Variants in EIPR1 observed in about 807,000 individuals in gnomAD.
EIPR1 encodes the protein EARP and GARP complex-interacting protein 1.
In EIPR1, 25 loss-of-function variants were observed where a neutral mutation model predicts 48.1. The ratio of observed to expected loss-of-function variants is 0.52; its 90% CI spans 0.38 to 0.73. The LOEUF (loss-of-function observed/expected upper bound fraction) is 0.73. Ranked by LOEUF, EIPR1 falls within the 30% of genes least tolerant of loss-of-function variation. The probability of loss-of-function intolerance (pLI) is 0.00; values close to 1 mark genes in which losing one functional copy is unlikely to be tolerated. For missense variants in EIPR1, 415 were observed against 506.2 expected (o/e 0.82, Z 1.73); for synonymous variants, 204 against 201.9 (o/e 1.01, Z -0.09).
intron 7 of EIPR1, among the ~76,000 whole-genome samples, chr2:3,192,787 G>C (rs1664654889): frequency 6.6e-6 from 1 of 151,496 alleles, no homozygotes; most frequent in South Asian, 2.1e-4. Flanking sequence ...CCAAGAGACA[G>C]ACAGGGAAGA....
intron 5 of EIPR1, among the ~76,000 whole-genome samples, chr2:3,211,787 G>A (rs1665465556): frequency 1.3e-5 from 2 of 152,152 alleles, no homozygotes; most frequent in South Asian, 2.1e-4. Context: ...TTCTCGCTCC[G>A]CCACTGTCGG....
At chr2:3,319,755 C>CACCCCTGAG (rs1669446021) in intron 3 of EIPR1, 1 of 146,366 alleles carries the variant, frequency 6.8e-6, no homozygotes, top group Non-Finnish European at 1.4e-5. Context: ...CGGGCAACAC[C>CACCCCTGAG]GCACCTGCAG....
At chr2:3,242,586 G>A (rs187416117) in intron 4 of EIPR1, among the ~76,000 whole-genome samples, 4 of 151,724 alleles carry the variant, frequency 2.6e-5, no homozygotes, top group Admixed American at 6.6e-5. Context: ...AGCAGCCATC[G>A]ACGGCTGGAA....
At chr2:3,237,902 C>G (rs1159285576) in intron 4 of EIPR1, among the ~76,000 whole-genome samples, 2 of 152,236 alleles carry the variant, frequency 1.3e-5, no homozygotes, top group Non-Finnish European at 2.9e-5. Context: ...GCGAAGAGAT[C>G]TGTGCTCCTC....
rs560322697 is a variant in EIPR1, at chr2:3,339,676, C to T, written c.127-1527G>A. 5.9e-5 allele frequency among the ~76,000 whole-genome samples: 9 copies of T among 152,036 alleles called. No individual in the cohort carries two copies. In the South Asian group the frequency reaches 1.0e-3, roughly 18 times the overall value. On this transcript the variant is annotated intron_variant, in intron 2 of 8. Transcript: ENST00000382125. ...AAAAGTGAGTGGCATGGGCTGGGCG[C>T]GGTGGCTCACGCCTGTAATTGTAGC...
intron 3 of EIPR1, among the ~76,000 whole-genome samples, chr2:3,326,402 T>C (rs190920190): frequency 9.5e-4 from 144 of 152,274 alleles, no homozygotes; most frequent in African/African-American, 3.3e-3. Flanking sequence ...CCCTCTCCAC[T>C]GCCCGATACC....
chr2:3,284,875 C>T (rs1031664852), intron 3 of EIPR1, among the ~76,000 whole-genome samples: 6 of 151,996 alleles, frequency 3.9e-5, no homozygotes, highest in Admixed American at 2.0e-4. Flanking sequence ...GCAGAGGCCC[C>T]GGGGTAGATC....
chr2:3,354,222 G>T (rs11127417), intron 2 of EIPR1, among the ~76,000 whole-genome samples: 151,156 of 152,286 alleles, frequency 0.99, 75,021 homozygotes, highest in East Asian at 1. Flanking sequence ...ATTAAAGAAG[G>T]AATCCACAGG....
In EIPR1 at chr2:3,320,120, GGGGCAACACCACCCCTGC is replaced by G. The variant is rs70938938; in HGVS notation, c.259+17879_259+17896del. ...TGCAGGCAGGGCAACACCGCCCCTG[GGGGCAACACCACCCCTGC>G]GGGCAACACCACCCCTGCAGGCAAC... is the stretch of plus-strand genomic sequence containing the variant. On this transcript the variant is annotated intron_variant, in intron 3 of 8. Coordinates refer to ENST00000382125, the MANE Select transcript of EIPR1 (RefSeq NM_003310.5). 3.1e-3 allele frequency: 466 copies of G among 148,282 alleles called. 3 individuals are homozygous for G. Among genetic ancestry groups the G allele is most frequent in the African/African-American group, 0.011 (418 of 36,556 alleles). The allele number at this position is 148,282 out of a possible 1,614,324, so 9.2% of individuals were successfully genotyped here. A position where few individuals can be genotyped will look rare whatever the true frequency, so the allele number is the denominator to read the frequency against.
At chr2:3,206,262 G>A (rs374965732) in intron 5 of EIPR1, among the ~76,000 whole-genome samples, 11 of 152,300 alleles carry the variant, frequency 7.2e-5, no homozygotes. Context: ...CCAGGGGACA[G>A]AGAAAGGGTG....
At chr2:3,340,095 A>C (rs1670189948) in intron 2 of EIPR1, among the ~76,000 whole-genome samples, 1 of 152,238 alleles carries the variant, frequency 6.6e-6, no homozygotes, top group African/African-American at 2.4e-5. Flanking sequence ...ATGTTTCCTG[A>C]ACAGCTCCAG....
intron 3 of EIPR1, among the ~76,000 whole-genome samples, chr2:3,285,682 G>C (rs980151906): frequency 8.9e-5 from 13 of 145,804 alleles, no homozygotes; most frequent in Non-Finnish European, 1.8e-4. Flanking sequence ...CTCGCACGGA[G>C]CAGAAGTCAC....
chr2:3,192,491 GGACA>G lies in EIPR1; in HGVS notation c.908_911del (p.Val303AlafsTer11). On this transcript the variant is annotated frameshift_variant, in exon 8 of 9. Coordinates refer to ENST00000382125, the MANE Select transcript of EIPR1 (RefSeq NM_003310.5). LOFTEE classifies it high-confidence loss of function. The stretch of plus-strand genomic sequence containing the variant: ...AGTGGCCGAAGGGCTCCGACGAGAT[GGACA>G]CCATGTTGGAAAGGATGACTCTGCT... The G allele has an allele frequency of 6.2e-7, 1 of 1,613,036 alleles. No homozygotes were observed. The highest frequency in any genetic ancestry group is 1.1e-5 in the South Asian group (1 of 90,954).
chr2:3,373,266 C>T (rs12465736), intron 1 of EIPR1, among the ~76,000 whole-genome samples: 24,158 of 150,910 alleles, frequency 0.16, 2,096 homozygotes, highest in Non-Finnish European at 0.2. Flanking sequence ...AAACCCACAG[C>T]CAATATCATA....
At chr2:3,206,112 AAAAG>A (rs778518714) in intron 5 of EIPR1, among the ~76,000 whole-genome samples, 10 of 152,344 alleles carry the variant, frequency 6.6e-5, no homozygotes, top group Middle Eastern at 3.4e-3. Flanking sequence ...ATGCAGAAGA[AAAAG>A]AAAAGGAAGA....
At chr2:3,279,871 T>G (rs1215754829) in intron 3 of EIPR1, among the ~76,000 whole-genome samples, 2 of 152,222 alleles carry the variant, frequency 1.3e-5, no homozygotes, top group Non-Finnish European at 2.9e-5. Context: ...ACCTCTCACT[T>G]ATATCCACGT....
chr2:3,252,058 C>A (rs1447734795), intron 4 of EIPR1, among the ~76,000 whole-genome samples: 1 of 152,274 alleles, frequency 6.6e-6, no homozygotes. Context: ...GCATGCAAAG[C>A]CCTAGCAAAG....
chr2:3,370,989 A>G (rs1256046089), intron 1 of EIPR1, among the ~76,000 whole-genome samples: 1 of 152,244 alleles, frequency 6.6e-6, no homozygotes. Context: ...AGCCAGAGAG[A>G]AAGGTCGGGT....
chr2:3,374,076 A>G (rs1319003216), intron 1 of EIPR1, among the ~76,000 whole-genome samples: 1 of 138,282 alleles, frequency 7.2e-6, no homozygotes, highest in South Asian at 2.3e-4. Flanking sequence ...ATAATGCCGC[A>G]TATCTACAAC....
Sources: gnomAD v4.1 joint callset for allele counts (sites outside exome capture counted in the v4.1 genomes callset) on GRCh38, gnomAD v4.1.1 for gene constraint, MANE v1.5 for transcripts, NCBI Gene and HGNC (gene_info 2026-07-23, HGNC 2026-07-21) for gene names.